Variants in GOLPH3 observed in about 807,000 individuals in gnomAD.
GOLPH3 encodes golgi phosphoprotein 3, also known as coat protein GPP34.
Under a neutral mutation model 28.5 loss-of-function variants are expected in GOLPH3, and 14 were observed. That is an observed-to-expected ratio of 0.49 (90% CI 0.32 to 0.77). GOLPH3 has a LOEUF of 0.77. Among genes scored for constraint, GOLPH3 ranks in the 30% least tolerant of loss-of-function variants. GOLPH3 has a pLI of 0.03. For missense variants in GOLPH3, 350 were observed against 393.7 expected (o/e 0.89, Z 0.94); for synonymous variants, 158 against 159.2 (o/e 0.99, Z 0.06).
rs948185485 is a variant in GOLPH3, at chr5:32,174,309, C to A, written c.-275G>T. 5 of 321,052 alleles carry A rather than the reference C, an allele frequency of 1.6e-5. No individual in the cohort carries two copies. The highest frequency in any genetic ancestry group is 2.8e-5 in the Non-Finnish European group (5 of 176,930). 19.9% of individuals were successfully genotyped at this position (321,052 alleles called of 1,614,324 possible). ...TCCAAGGCGGAGGCGGCGGCGGCGC[C>A]TTTCCAATATGGCGGCCCCGGCTGA... On this transcript the variant is annotated 5_prime_UTR_variant, in exon 1 of 4. It adds an upstream start codon to the 5' untranslated region. Coordinates refer to ENST00000265070, the MANE Select transcript of GOLPH3 (RefSeq NM_022130.4).
At position 32,126,568 on chromosome 5, in the gene GOLPH3, G is replaced by A. The variant is rs1264622862; in HGVS notation, c.541C>T (p.Leu181=). The A allele has an allele frequency of 1.9e-6, 3 of 1,614,066 alleles. No individual in the cohort carries two copies. The East Asian group carries it at 6.7e-5, about 36-fold the overall frequency. Residue 181 remains leucine (L), a synonymous_variant, in exon 4 of 4, where the codon CTG becomes TTG. Coordinates refer to ENST00000265070, the MANE Select transcript of GOLPH3 (RefSeq NM_022130.4). ...GTTGTCAATACACCCTTTTCCACCAGGTTTTTAGCTAATCGTTCCCGTACA... is the reference window on the plus strand; with the variant it reads ...GTTGTCAATACACCCTTTTCCACCAAGTTTTTAGCTAATCGTTCCCGTACA... ...RNVRERLAKN[L]VEKGVLTTEK... is the part of the protein sequence containing the mutation.
chr5:32,126,372 G>T lies in GOLPH3; in HGVS notation c.737C>A (p.Ser246Ter), dbSNP rs757857131. The T allele has an allele frequency of 6.2e-7, 1 of 1,614,146 alleles. No homozygotes were observed. The highest frequency in any genetic ancestry group is 8.5e-7 in the Non-Finnish European group (1 of 1,180,032). Residue 246 changes from serine (S) to a stop codon, truncating the protein, a stop_gained, in exon 4 of 4, where the codon TCG becomes TAG. Transcript: ENST00000265070. LOFTEE classifies it high-confidence loss of function. ...LLALIYLAHA[S>*]DVLENAFAPL... Reference sequence around the variant, plus strand: ...AGCAAAAGCATTCTCCAGGACGTCCGAGGCATGAGCCAGGTAAATGAGGGC... The same window carrying T: ...AGCAAAAGCATTCTCCAGGACGTCCTAGGCATGAGCCAGGTAAATGAGGGC...
chr5:32,141,812 C>G (rs868838726), intron 2 of GOLPH3, among the ~76,000 whole-genome samples: 2 of 151,958 alleles, frequency 1.3e-5, no homozygotes, highest in African/African-American at 4.8e-5. Context: ...CTGTGTTGGC[C>G]GGGCTGGTCT....
chr5:32,156,615 C>T (rs1474724461), intron 1 of GOLPH3, among the ~76,000 whole-genome samples: 2 of 151,792 alleles, frequency 1.3e-5, no homozygotes, highest in Non-Finnish European at 2.9e-5. Context: ...CGGACTGGAG[C>T]GGCGGGGGGG....
chr5:32,163,207 G>A (rs1472478040), intron 1 of GOLPH3, among the ~76,000 whole-genome samples: 4 of 152,230 alleles, frequency 2.6e-5, no homozygotes, highest in Non-Finnish European at 5.9e-5. Context: ...CAGCAGTCTT[G>A]CAGGTCCTGA....
Position 32,174,052 on chromosome 5 carries a change from C to T in GOLPH3, c.-18G>A. The T allele has an allele frequency of 7.9e-7, 1 of 1,271,822 alleles. No homozygotes were observed. The highest frequency in any genetic ancestry group is 3.2e-5 in the East Asian group (1 of 31,406). The allele number at this position is 1,271,822 out of a possible 1,614,324, so 78.8% of individuals were successfully genotyped here. A position where few individuals can be genotyped will look rare whatever the true frequency, so the allele number is the denominator to read the frequency against. On this transcript the variant is annotated 5_prime_UTR_variant, in exon 1 of 4. Coordinates refer to ENST00000265070, the MANE Select transcript of GOLPH3 (RefSeq NM_022130.4). ...GAGGTCATGGCTCCCGCCGAGGCGC[C>T]GAGCCGGGCCGAGAGGGTCGCAGGA... is the stretch of plus-strand genomic sequence containing the variant.
intron 1 of GOLPH3, among the ~76,000 whole-genome samples, chr5:32,155,931 G>A (rs1165766855): frequency 9.2e-6 from 1 of 108,928 alleles, no homozygotes; most frequent in Non-Finnish European, 1.7e-5. Flanking sequence ...CACTCCAGCC[G>A]GGCAACAAGA....
chr5:32,126,880 A>C (rs530211314), intron 3 of GOLPH3, among the ~76,000 whole-genome samples: 1 of 152,306 alleles, frequency 6.6e-6, no homozygotes, highest in Non-Finnish European at 1.5e-5. Context: ...CAGTCTTCAG[A>C]CCAGAGTCAG....
chr5:32,151,121 AT>A (rs970154288), intron 1 of GOLPH3, among the ~76,000 whole-genome samples: 24 of 151,994 alleles, frequency 1.6e-4, no homozygotes, highest in Non-Finnish European at 3.1e-4. Flanking sequence ...GAGACTACCC[AT>A]TTTTTTGGTA....
intron 1 of GOLPH3, among the ~76,000 whole-genome samples, chr5:32,159,411 T>A (rs683547): frequency 1.3e-5 from 2 of 152,056 alleles, no homozygotes; most frequent in African/African-American, 4.8e-5. Context: ...TGTGATATCA[T>A]GTCAGCACTG....
intron 1 of GOLPH3, among the ~76,000 whole-genome samples, chr5:32,156,740 A>T (rs758275786): frequency 6.6e-6 from 1 of 152,200 alleles, no homozygotes; most frequent in African/African-American, 2.4e-5. Flanking sequence ...AACAGGGTTC[A>T]TACTCCTATG....
rs59564517 is a variant in GOLPH3 at position 32,170,169 on chromosome 5, T to A, written c.225+3641A>T. Among the ~76,000 whole-genome samples, 454 of 152,192 alleles carry A rather than the reference T, an allele frequency of 3.0e-3. 2 individuals carry two copies. The highest frequency in any genetic ancestry group is 0.011 in the African/African-American group (444 of 41,536). On this transcript the variant is annotated intron_variant, in intron 1 of 3. Transcript: ENST00000265070. ...GTAAGACAATAAGAACAAAGGACAA[T>A]CTCACACGATATGGATGAATCTCAC...
intron 1 of GOLPH3, among the ~76,000 whole-genome samples, chr5:32,149,530 AC>A (rs1454662485): frequency 3.9e-5 from 6 of 152,234 alleles, no homozygotes; most frequent in Non-Finnish European, 5.9e-5. Flanking sequence ...TTACAAAAAA[AC>A]ATTCTATAAA....
intron 1 of GOLPH3, among the ~76,000 whole-genome samples, chr5:32,155,398 C>A (rs963275221): frequency 3.3e-5 from 5 of 152,172 alleles, no homozygotes; most frequent in Admixed American, 6.5e-5. Flanking sequence ...GTTGTCCAGG[C>A]TAGTCTCAAA....
chr5:32,136,092 T>C (rs1745926155), intron 2 of GOLPH3, among the ~76,000 whole-genome samples: 1 of 152,022 alleles, frequency 6.6e-6, no homozygotes, highest in East Asian at 1.9e-4. Context: ...GGAGAATCAT[T>C]TGAACCCAGG....
Position 32,126,583 on chromosome 5 carries a change from G to A in GOLPH3, c.526C>T (p.Arg176Ter), listed in dbSNP as rs376077685. ...TTTTCCACCAGGTTTTTAGCTAATC[G>A]TTCCCGTACATTTCTTAACTGATAA... Reference protein sequence around the residue: ...LHYQLRNVRERLAKNLVEKGV... With the variant: ...LHYQLRNVRE Residue 176 changes from arginine (R) to a stop codon, truncating the protein, a stop_gained, in exon 4 of 4, where the codon CGA (arginine) becomes TGA (stop). Coordinates refer to ENST00000265070, the MANE Select transcript of GOLPH3 (RefSeq NM_022130.4). LOFTEE classifies it high-confidence loss of function. 1 of 1,613,962 alleles carries A rather than the reference G, an allele frequency of 6.2e-7. No homozygotes were observed.
At chr5:32,126,849 C>T (rs1305748928) in intron 3 of GOLPH3, among the ~76,000 whole-genome samples, 1 of 152,174 alleles carries the variant, frequency 6.6e-6, no homozygotes, top group Non-Finnish European at 1.5e-5. Flanking sequence ...ACAGGAGTCA[C>T]TCAGACGACT....
chr5:32,129,551 GAACT>G (rs1259938015), intron 3 of GOLPH3, among the ~76,000 whole-genome samples: 1 of 152,022 alleles, frequency 6.6e-6, no homozygotes, highest in Admixed American at 6.6e-5. Context: ...TTACATATTA[GAACT>G]AACTATACTG....
At chr5:32,142,069 T>A (rs1172040560) in intron 2 of GOLPH3, among the ~76,000 whole-genome samples, 18 of 150,528 alleles carry the variant, frequency 1.2e-4, no homozygotes, top group Non-Finnish European at 2.5e-4. Context: ...CTGCCCATCG[T>A]CTGGGATGTG....
Sources: allele counts gnomAD v4.1 joint callset (sites outside exome capture counted in the v4.1 genomes callset), GRCh38; gene constraint gnomAD v4.1.1; transcripts MANE v1.5; gene names NCBI Gene and HGNC (gene_info 2026-07-23, HGNC 2026-07-21).